The following MED27 variants were observed in gnomAD, a reference collection of about 807,000 sequenced individuals.
MED27 encodes mediator of RNA polymerase II transcription subunit 27.
Under a neutral mutation model 38.2 loss-of-function variants are expected in MED27, and 30 were observed. The ratio of observed to expected loss-of-function variants is 0.79; its 90% confidence interval spans 0.59 to 1.07. The LOEUF (loss-of-function observed/expected upper bound fraction) is 1.07, where lower values mean the gene tolerates loss of function less well. MED27 is among the 50% of genes least tolerant of loss of function. The pLI is 0.00. For missense variants in MED27, 289 were observed against 397.5 expected (o/e 0.73, Z 2.32); for synonymous variants, 122 against 153.5 (o/e 0.79, Z 1.52).
rs1407991463 is a variant in MED27, at chr9:131,885,965, T to C, written c.682-1866A>G. On this transcript the variant is annotated intron_variant, in intron 5 of 7. Transcript: ENST00000292035. ...GTTGGCCAGCGGTCAGGTAGAGCCC[T>C]GGGCCATGGCGGTTTAGGCCTGTGT... 2.6e-5 allele frequency among the ~76,000 whole-genome samples: 4 copies of C among 152,200 alleles called. No homozygotes were observed. In the South Asian group the frequency reaches 8.3e-4, roughly 31 times the overall value.
intron 4 of MED27, among the ~76,000 whole-genome samples, chr9:131,914,789 G>C (rs865868758): frequency 2.0e-4 from 31 of 152,212 alleles, no homozygotes; most frequent in African/African-American, 6.5e-4. Context: ...AGGCCAGTTG[G>C]GAGGATGTGG....
At chr9:131,897,463 C>A (rs1279199257) in intron 4 of MED27, among the ~76,000 whole-genome samples, 12 of 152,236 alleles carry the variant, frequency 7.9e-5, no homozygotes, top group Non-Finnish European at 1.8e-4. Flanking sequence ...TGTTGGAAAT[C>A]TGAACACTGA....
At chr9:132,078,506 C>T (rs947725731) in intron 1 of MED27, among the ~76,000 whole-genome samples, 4 of 151,992 alleles carry the variant, frequency 2.6e-5, no homozygotes, top group Admixed American at 1.3e-4. Context: ...AACTGGTGCT[C>T]GGCGCGGTGC....
At chr9:131,914,217 C>T (rs1442684272) in intron 4 of MED27, among the ~76,000 whole-genome samples, 2 of 152,248 alleles carry the variant, frequency 1.3e-5, no homozygotes, top group African/African-American at 4.8e-5. Context: ...AAACTCAAGA[C>T]AGTAAGACTT....
intron 3 of MED27, among the ~76,000 whole-genome samples, chr9:131,941,396 G>C (rs1184361594): frequency 6.6e-6 from 1 of 152,108 alleles, no homozygotes; most frequent in East Asian, 1.9e-4. Context: ...AATGCCTTTT[G>C]TTAAAAAGCG....
At chr9:132,073,728 A>G in intron 2 of MED27, 1 of 1,520,852 alleles carries the variant, frequency 6.6e-7, no homozygotes, top group Non-Finnish European at 8.8e-7. Context: ...TTCTTGGAAT[A>G]GAAAGTTGCT....
At chr9:131,922,109 C>T (rs1180856060) in intron 4 of MED27, among the ~76,000 whole-genome samples, 2 of 151,482 alleles carry the variant, frequency 1.3e-5, no homozygotes, top group Non-Finnish European at 2.9e-5. Context: ...CAGTGTGGCA[C>T]ATGTATACAT....
chr9:131,938,489 T>C (rs761171659), intron 4 of MED27, among the ~76,000 whole-genome samples: 5 of 152,314 alleles, frequency 3.3e-5, no homozygotes, highest in Non-Finnish European at 5.9e-5. Flanking sequence ...TCTCTATGCC[T>C]TCCTAATTAA....
intron 3 of MED27, among the ~76,000 whole-genome samples, chr9:132,010,952 A>C (rs1470139984): frequency 6.6e-6 from 1 of 152,224 alleles, no homozygotes; most frequent in Non-Finnish European, 1.5e-5. Context: ...TAATGGGTGC[A>C]GCACACCAAC....
At chr9:131,911,280 G>A (rs1830182305) in intron 4 of MED27, among the ~76,000 whole-genome samples, 1 of 152,176 alleles carries the variant, frequency 6.6e-6, no homozygotes, top group Non-Finnish European at 1.5e-5. Flanking sequence ...AACATTAGGA[G>A]GATTTTGGCA....
At chr9:131,936,150 A>G (rs930489457) in intron 4 of MED27, among the ~76,000 whole-genome samples, 3 of 148,848 alleles carry the variant, frequency 2.0e-5, no homozygotes, top group African/African-American at 7.4e-5. Context: ...AAAAAAAAAA[A>G]GAAAGAAAGA....
chr9:131,941,587 G>A (rs1343073299), intron 3 of MED27, among the ~76,000 whole-genome samples: 1 of 152,112 alleles, frequency 6.6e-6, no homozygotes, highest in Non-Finnish European at 1.5e-5. Context: ...CTGCAGCAGA[G>A]ATGAGTGAGA....
chr9:131,948,496 C>A (rs866333234), intron 3 of MED27, among the ~76,000 whole-genome samples: 155 of 103,440 alleles, frequency 1.5e-3, no homozygotes, highest in Middle Eastern at 8.4e-3. Flanking sequence ...AAAACAAAAA[C>A]AAAAACAAAA....
At chr9:131,969,519 A>G (rs1486957880) in intron 3 of MED27, among the ~76,000 whole-genome samples, 1 of 152,160 alleles carries the variant, frequency 6.6e-6, no homozygotes, top group African/African-American at 2.4e-5. Flanking sequence ...ATCATAATAA[A>G]GAGGTTGAGA....
At chr9:131,902,282 G>A (rs557005330) in intron 4 of MED27, among the ~76,000 whole-genome samples, 3 of 152,288 alleles carry the variant, frequency 2.0e-5, no homozygotes, top group African/African-American at 7.2e-5. Context: ...ACAGAGTCGT[G>A]CTGGGCGGAA....
chr9:131,978,281 A>G (rs1831652596), intron 3 of MED27, among the ~76,000 whole-genome samples: 1 of 152,226 alleles, frequency 6.6e-6, no homozygotes, highest in African/African-American at 2.4e-5. Flanking sequence ...GGAAGGAAAA[A>G]TTATATATAC....
chr9:131,969,180 C>T (rs1831421319), intron 3 of MED27, among the ~76,000 whole-genome samples: 1 of 134,388 alleles, frequency 7.4e-6, no homozygotes, highest in African/African-American at 2.7e-5. Flanking sequence ...CCGCTCCTGC[C>T]CCCCACACCT....
intron 2 of MED27, among the ~76,000 whole-genome samples, chr9:132,028,242 C>G (rs767579244): frequency 1.1e-4 from 16 of 152,178 alleles, no homozygotes; most frequent in Admixed American, 6.5e-4. Context: ...TCTAAGAGAG[C>G]CTTTTCTGGC....
intron 4 of MED27, among the ~76,000 whole-genome samples, chr9:131,907,867 G>A (rs1467139431): frequency 1.3e-5 from 2 of 149,150 alleles, no homozygotes; most frequent in African/African-American, 5.0e-5. Context: ...CCTCTGCCCC[G>A]CCGCCCCGTC....
Sources: gnomAD v4.1 joint callset for allele counts (sites outside exome capture counted in the v4.1 genomes callset) on GRCh38, gnomAD v4.1.1 for gene constraint, MANE v1.5 for transcripts, NCBI Gene and HGNC (gene_info 2026-07-23, HGNC 2026-07-21) for gene names.